DCAF13: variants seen among roughly 807,000 people sequenced by gnomAD.
DCAF13 encodes the protein DDB1- and CUL4-associated factor 13.
In DCAF13, 38 loss-of-function variants were observed where a neutral mutation model predicts 59.0. The ratio of observed to expected loss-of-function variants is 0.64; its 90% confidence interval spans 0.50 to 0.84. The LOEUF (loss-of-function observed/expected upper bound fraction) is 0.84. DCAF13 is among the 40% of genes least tolerant of loss of function. The pLI, the probability that DCAF13 is intolerant of heterozygous loss-of-function variation, is 0.00. For synonymous variants in DCAF13, 173 were observed against 175.0 expected, an observed-to-expected ratio of 0.99 and a Z score of 0.09; for missense variants, 469 against 558.4, an observed-to-expected ratio of 0.84 and a Z score of 1.61.
intron 7 of DCAF13, among the ~76,000 whole-genome samples, chr8:103,435,212 G>A (rs1261141799): frequency 6.6e-6 from 1 of 151,952 alleles, no homozygotes; most frequent in East Asian, 1.9e-4. Context: ...AATATGCTAC[G>A]TGAAATATCA....
At chr8:103,421,646 GATT>G (rs1344353740) in intron 3 of DCAF13, among the ~76,000 whole-genome samples, 1 of 152,116 alleles carries the variant, frequency 6.6e-6, no homozygotes, top group Non-Finnish European at 1.5e-5. Flanking sequence ...TTGCCTCTGT[GATT>G]TTGACTATTC....
In DCAF13 at chr8:103,443,159, T is replaced by G. The variant is rs543092068; in HGVS notation, c.*277T>G. On this transcript the variant is annotated 3_prime_UTR_variant, in exon 11 of 11. Transcript: ENST00000612750. ...TATTACAGATATACTTACTTTCTCT[T>G]TGATCTATTATTGTAGACACTATAC... is the stretch of plus-strand genomic sequence containing the variant. 70 of 242,698 alleles carry G rather than the reference T, an allele frequency of 2.9e-4. 1 individual carries two copies. Among genetic ancestry groups the G allele is most frequent in the Non-Finnish European group, 5.4e-4 (68 of 126,796 alleles). The allele number at this position is 242,698 out of a possible 1,614,324, so 15.0% of individuals were successfully genotyped here. A position where few individuals can be genotyped will look rare whatever the true frequency, so the allele number is the denominator to read the frequency against.
chr8:103,425,981 T>C (rs1033016055), intron 3 of DCAF13, 75 bp from the exon 4 acceptor site: 15 of 970,268 alleles, frequency 1.5e-5, no homozygotes, highest in African/African-American at 4.8e-5. Context: ...AAGATACTTA[T>C]TTGATATGTG....
At chr8:103,421,121 A>G in intron 3 of DCAF13, 39 bp downstream of exon 3, 2 of 1,270,108 alleles carry the variant, frequency 1.6e-6, no homozygotes, top group Non-Finnish European at 2.3e-6. Context: ...TTTGATCAAC[A>G]TAGGTAAGAA....
intron 8 of DCAF13, among the ~76,000 whole-genome samples, chr8:103,436,156 AT>A (rs1169150455): frequency 3.9e-5 from 6 of 152,112 alleles, no homozygotes; most frequent in Non-Finnish European, 7.4e-5. Flanking sequence ...TCATATGACT[AT>A]TTTTGTTTCA....
Position 103,427,184 on chromosome 8 carries a change from A to G in DCAF13, c.556A>G (p.Thr186Ala). The G allele has an allele frequency of 6.2e-7, 1 of 1,613,598 alleles. No individual in the cohort carries two copies. Among genetic ancestry groups the G allele is most frequent in the East Asian group, 2.2e-5 (1 of 44,828 alleles). The part of the protein sequence containing the change: ...QQVDIWDEQR[T>A]NPICSMTWGF... ...AGTAGACATTTGGGATGAACAAAGA[A>G]CTAATCCTATATGTTCAATGACCTG... The change falls in exon 5 of 11, where the codon ACT (threonine) becomes GCT (alanine). Residue 186 changes from threonine (T) to alanine (A), a missense_variant. Coordinates refer to ENST00000612750, the MANE Select transcript of DCAF13 (RefSeq NM_015420.7).
chr8:103,426,697 C>T (rs1816796258), intron 4 of DCAF13, among the ~76,000 whole-genome samples: 1 of 152,108 alleles, frequency 6.6e-6, no homozygotes, highest in Non-Finnish European at 1.5e-5. Flanking sequence ...ATTAAGCAAA[C>T]AATTCCAAAA....
intron 1 of DCAF13, among the ~76,000 whole-genome samples, chr8:103,416,301 A>C (rs77639487): frequency 6.6e-6 from 1 of 152,200 alleles, no homozygotes; most frequent in Non-Finnish European, 1.5e-5. Flanking sequence ...AGCATTGCTA[A>C]TAAGTCTCTG....
At chr8:103,420,203 C>A in intron 1 of DCAF13, 61 bp from the exon 2 acceptor site, 1 of 1,455,266 alleles carries the variant, frequency 6.9e-7, no homozygotes, top group Non-Finnish European at 9.6e-7. Flanking sequence ...GAGTGATTAG[C>A]TGAGGAAGAC....
chr8:103,430,992 C>T (rs1325215433), intron 6 of DCAF13, among the ~76,000 whole-genome samples: 3 of 152,124 alleles, frequency 2.0e-5, no homozygotes, highest in Non-Finnish European at 4.4e-5. Flanking sequence ...GTATTGCATC[C>T]TGTTACTTAA....
chr8:103,430,966 T>C (rs913578369), intron 6 of DCAF13, among the ~76,000 whole-genome samples: 1 of 152,202 alleles, frequency 6.6e-6, no homozygotes, highest in Non-Finnish European at 1.5e-5. Context: ...ACTTACTGAA[T>C]TGAAAGTTCT....
At position 103,443,009 on chromosome 8, in the gene DCAF13, C is replaced by T; in HGVS notation, c.*127C>T. The T allele has an allele frequency of 3.6e-6, 2 of 552,594 alleles. No homozygotes were observed. Among genetic ancestry groups the T allele is most frequent in the Non-Finnish European group, 6.1e-6 (2 of 328,500 alleles). The allele number at this position is 552,594 out of a possible 1,614,324, so 34.2% of individuals were successfully genotyped here. Reference sequence around the variant, plus strand: ...TTATATGTGTAGAGCTTTATTGTTACTCCTTTTAGCTACCCTGAAAAATGA... The same window carrying T: ...TTATATGTGTAGAGCTTTATTGTTATTCCTTTTAGCTACCCTGAAAAATGA... On this transcript the variant is annotated 3_prime_UTR_variant, in exon 11 of 11. Coordinates refer to ENST00000612750, the MANE Select transcript of DCAF13 (RefSeq NM_015420.7).
At chr8:103,441,407 A>G in intron 9 of DCAF13, 48 bp from the exon 10 acceptor site, 1 of 1,518,876 alleles carries the variant, frequency 6.6e-7, no homozygotes, top group Non-Finnish European at 8.8e-7. Context: ...TTTATACTGA[A>G]GCAAAACAAC....
At chr8:103,420,231 G>A in intron 1 of DCAF13, 33 bp from the exon 2 acceptor site, 2 of 1,589,136 alleles carry the variant, frequency 1.3e-6, no homozygotes, top group Non-Finnish European at 1.7e-6. Context: ...AATATTAAGT[G>A]TGAATTATTA....
At chr8:103,432,803 C>A in intron 7 of DCAF13, 62 bp downstream of exon 7, 6 of 1,016,238 alleles carry the variant, frequency 5.9e-6, no homozygotes, top group South Asian at 5.3e-5. Context: ...TTGTATAAGT[C>A]GTACTAATAA....
chr8:103,435,588 T>C (rs1371873750), intron 7 of DCAF13, 38 bp from the exon 8 acceptor site: 2 of 1,477,448 alleles, frequency 1.4e-6, no homozygotes, highest in East Asian at 2.3e-5. Flanking sequence ...GGCATCTTTC[T>C]AGAAATATGT....
rs1173271906 is a variant in DCAF13 at position 103,430,700 on chromosome 8, GT to G, written c.702+15del. The G allele has an allele frequency of 1.2e-6, 2 of 1,602,486 alleles. No homozygotes were observed. The highest frequency in any genetic ancestry group is 1.7e-6 in the Non-Finnish European group (2 of 1,172,542). ...ACTCCTTTGAAAAAGGTGAGTTTCA[GT>G]TTTGACTTTTGCTTTATACAGTTGG... On this transcript the variant is annotated intron_variant, in intron 6 of 10. Coordinates refer to ENST00000612750, the MANE Select transcript of DCAF13 (RefSeq NM_015420.7).
chr8:103,428,874 C>G (rs1170535023), intron 5 of DCAF13: 1 of 151,682 alleles, frequency 6.6e-6, no homozygotes, highest in Non-Finnish European at 1.5e-5. Flanking sequence ...GTTTTTCAAA[C>G]TTGCCTGTAT....
chr8:103,435,738 G>T lies in DCAF13; in HGVS notation c.898G>T (p.Ala300Ser). The T allele has an allele frequency of 6.2e-7, 1 of 1,613,746 alleles. No homozygotes were observed. Residue 300 changes from alanine to serine, a missense_variant, in exon 8 of 11, where the codon GCT becomes TCT. By Grantham distance (99) the Ala-to-Ser change is moderately conservative. Around this residue, in one of 3 missense-constraint regions of DCAF13, gnomAD observed 355 missense variants for 399.1 expected, o/e 0.89. Coordinates refer to ENST00000612750, the MANE Select transcript of DCAF13 (RefSeq NM_015420.7). ...YSPTGKEFVS[A>S]SFDKSIRIFP... Reference sequence around the variant, plus strand: ...TCCCACTGGGAAGGAGTTTGTGTCTGCTAGTTTCGATAAATCTATTCGAAT... The same window carrying T: ...TCCCACTGGGAAGGAGTTTGTGTCTTCTAGTTTCGATAAATCTATTCGAAT...
Sources: allele counts gnomAD v4.1 joint callset (sites outside exome capture counted in the v4.1 genomes callset), GRCh38; gene constraint gnomAD v4.1.1; regional missense constraint gnomAD v4.1.1; transcripts MANE v1.5; gene names NCBI Gene and HGNC (gene_info 2026-07-23, HGNC 2026-07-21).